The following BACH2 variants were observed in gnomAD, a reference collection of about 807,000 sequenced individuals.
BACH2 encodes the protein transcription regulator protein BACH2.
BACH2 carries 5 observed loss-of-function variants against 61.8 expected under a neutral mutation model. The observed-to-expected ratio is 0.08, with a 90% CI of 0.04 to 0.17. The LOEUF (loss-of-function observed/expected upper bound fraction) is 0.17. Among genes scored for constraint, BACH2 ranks in the 10% least tolerant of loss-of-function variants. BACH2 has a pLI of 1.00. For missense variants in BACH2, 824 were observed against 1,091.1 expected, an observed-to-expected ratio of 0.76 and a Z score of 3.45; for synonymous variants, 446 against 440.1, an observed-to-expected ratio of 1.01 and a Z score of -0.17.
At chr6:89,962,733 T>TA (rs1360476376) in intron 6 of BACH2, among the ~76,000 whole-genome samples, 2 of 152,184 alleles carry the variant, frequency 1.3e-5, no homozygotes, top group African/African-American at 4.8e-5. Flanking sequence ...AAAATCTGTT[T>TA]AAAAATGTCT....
At chr6:90,074,679 G>A (rs943893799) in intron 5 of BACH2, among the ~76,000 whole-genome samples, 1 of 152,136 alleles carries the variant, frequency 6.6e-6, no homozygotes, top group African/African-American at 2.4e-5. Context: ...AGAATATTAG[G>A]GGAAAAATAT....
At chr6:90,184,672 AGGG>A (rs1237315811) in intron 4 of BACH2, among the ~76,000 whole-genome samples, 1 of 152,218 alleles carries the variant, frequency 6.6e-6, no homozygotes, top group Non-Finnish European at 1.5e-5. Flanking sequence ...GCCCTAGCCC[AGGG>A]GCACACCCAT....
intron 3 of BACH2, among the ~76,000 whole-genome samples, chr6:90,219,582 T>C (rs9344996): frequency 0.099 from 15,059 of 152,264 alleles, 1,088 homozygotes; most frequent in East Asian, 0.36. Context: ...CCATTAAGAA[T>C]GCACAGCTGT....
intron 4 of BACH2, among the ~76,000 whole-genome samples, chr6:90,203,672 C>G (rs1232173923): frequency 6.6e-6 from 1 of 152,162 alleles, no homozygotes; most frequent in Non-Finnish European, 1.5e-5. Flanking sequence ...ATGAGGCTGT[C>G]TACTCTGTGT....
intron 1 of BACH2, among the ~76,000 whole-genome samples, chr6:90,272,620 A>G (rs1354170108): frequency 6.6e-6 from 1 of 152,218 alleles, no homozygotes; most frequent in Non-Finnish European, 1.5e-5. Flanking sequence ...GATTTCTGCA[A>G]TAGCAGAATT....
At chr6:90,131,092 G>A (rs1784062455) in intron 4 of BACH2, among the ~76,000 whole-genome samples, 1 of 152,188 alleles carries the variant, frequency 6.6e-6, no homozygotes, top group Non-Finnish European at 1.5e-5. Flanking sequence ...ACAAATCCAG[G>A]AGTGGGCTCT....
chr6:90,050,638 C>T (rs1779999114), intron 5 of BACH2, among the ~76,000 whole-genome samples: 1 of 152,032 alleles, frequency 6.6e-6, no homozygotes, highest in African/African-American at 2.4e-5. Context: ...ATATGTTATT[C>T]ATGTTAACAT....
chr6:90,090,516 A>C (rs1238002936), intron 4 of BACH2, among the ~76,000 whole-genome samples: 1 of 152,198 alleles, frequency 6.6e-6, no homozygotes, highest in Non-Finnish European at 1.5e-5. Flanking sequence ...CAACTTAACA[A>C]AATTCTAATC....
intron 1 of BACH2, among the ~76,000 whole-genome samples, chr6:90,281,531 C>T (rs1771857925): frequency 6.6e-6 from 1 of 152,140 alleles, no homozygotes; most frequent in African/African-American, 2.4e-5. Context: ...CTGGAGGTAG[C>T]TGTTATACTG....
At chr6:90,089,322 G>C (rs1782062455) in intron 4 of BACH2, among the ~76,000 whole-genome samples, 1 of 151,946 alleles carries the variant, frequency 6.6e-6, no homozygotes, top group Non-Finnish European at 1.5e-5. Flanking sequence ...CCTACTAGAA[G>C]CCCTATTCCT....
rs74680829 is a variant in BACH2, at chr6:90,289,044, T to C, written c.-446+7436A>G. Among the ~76,000 whole-genome samples, 948 of 152,302 alleles carry C rather than the reference T, an allele frequency of 6.2e-3. 10 individuals are homozygous for C. Among genetic ancestry groups the C allele is most frequent in the African/African-American group, 0.022 (905 of 41,556 alleles). The stretch of plus-strand genomic sequence containing the variant: ...TAAATGGACACTAAAACCTAAGGAA[T>C]GCAATTATTAGAAAGCAGGCCATGT... On this transcript the variant is annotated intron_variant, in intron 1 of 8. Transcript: ENST00000257749.
At chr6:90,070,501 T>C (rs868681490) in intron 5 of BACH2, among the ~76,000 whole-genome samples, 21 of 152,274 alleles carry the variant, frequency 1.4e-4, no homozygotes, top group South Asian at 4.1e-4. Context: ...GCATGGCGGT[T>C]GGGGTTGATG....
chr6:90,143,394 G>A (rs977781002), intron 4 of BACH2, among the ~76,000 whole-genome samples: 1 of 152,112 alleles, frequency 6.6e-6, no homozygotes, highest in Non-Finnish European at 1.5e-5. Flanking sequence ...GTTGTGCAAC[G>A]CTGGGCAAGT....
In BACH2 at chr6:90,102,977, G is replaced by C. The variant is rs1016512622; in HGVS notation, c.-161-13868C>G. On this transcript the variant is annotated intron_variant, in intron 4 of 8. Coordinates refer to ENST00000257749, the MANE Select transcript of BACH2 (RefSeq NM_021813.4). The stretch of plus-strand genomic sequence containing the variant: ...TTTGAGGGGCAGTGGTAGTTACCTT[G>C]CACAAAAACTGCTAAATTTGACACA... 6.7e-5 allele frequency among the ~76,000 whole-genome samples: 8 copies of C among 119,862 alleles called. No individual in the cohort carries two copies. The Admixed American group carries it at 7.8e-4, about 12-fold the overall frequency. 78.6% of individuals were successfully genotyped at this position (119,862 alleles called of 152,430 possible).
chr6:90,181,045 G>A (rs751369591), intron 4 of BACH2, among the ~76,000 whole-genome samples: 3 of 152,170 alleles, frequency 2.0e-5, no homozygotes, highest in Non-Finnish European at 4.4e-5. Flanking sequence ...TAGTGGGATT[G>A]CTGGGTTGAA....
chr6:90,064,761 G>A (rs1339742104), intron 5 of BACH2, among the ~76,000 whole-genome samples: 1 of 152,194 alleles, frequency 6.6e-6, no homozygotes, highest in African/African-American at 2.4e-5. Flanking sequence ...TGGATAGAAA[G>A]GATGCACTGA....
At position 89,951,916 on chromosome 6, in the gene BACH2, C is replaced by G. The variant is rs955750909; in HGVS notation, c.244-54G>C. ...ATTACCATCAGCACTGCTATTGTCC[C>G]GAATCCCTCAACTGAAGCAAGATAA... On this transcript the variant is annotated intron_variant, in intron 6 of 8. Transcript: ENST00000257749. The surrounding 1 kb of genome is among the most constrained non-coding windows in gnomAD (Gnocchi z 6.4). 6.4e-7 allele frequency: 1 copy of G among 1,566,694 alleles called. No individual in the cohort carries two copies. Among genetic ancestry groups the G allele is most frequent in the Non-Finnish European group, 8.7e-7 (1 of 1,151,730 alleles).
chr6:89,937,837 A>C (rs1773118286), intron 8 of BACH2, among the ~76,000 whole-genome samples: 1 of 152,204 alleles, frequency 6.6e-6, no homozygotes, highest in African/African-American at 2.4e-5. Context: ...GGCCAACATC[A>C]GTTATTTTCA....
chr6:90,186,439 T>G (rs2127843054), intron 4 of BACH2, among the ~76,000 whole-genome samples: 2 of 152,126 alleles, frequency 1.3e-5, no homozygotes, highest in South Asian at 4.2e-4. Flanking sequence ...AAGATGTACC[T>G]ATCAATAAAC....
Sources: gnomAD v4.1 joint callset for allele counts (sites outside exome capture counted in the v4.1 genomes callset) on GRCh38, gnomAD v4.1.1 for gene constraint, Gnocchi (gnomAD v3.1) non-coding constraint, MANE v1.5 for transcripts, NCBI Gene and HGNC (gene_info 2026-07-23, HGNC 2026-07-21) for gene names.